Variants in SGCD observed in about 807,000 individuals in gnomAD.
SGCD encodes the protein sarcoglycan delta, also known as delta-sarcoglycan.
In SGCD, 18 loss-of-function variants were observed where a neutral mutation model predicts 36.6. That is an observed-to-expected ratio of 0.49 (90% CI 0.34 to 0.73). SGCD has a LOEUF of 0.73. SGCD is among the 30% of genes least tolerant of loss of function. The pLI is 0.01. For synonymous variants in SGCD, 133 were observed against 130.6 expected (o/e 1.02, Z -0.12); for missense variants, 387 against 346.7 (o/e 1.12, Z -0.92).
the SGCD span, among the ~76,000 whole-genome samples, chr5:155,792,373 T>C: frequency 8.6e-6 from 1 of 115,672 alleles, no homozygotes; most frequent in Non-Finnish European, 1.8e-5. Context: ...CCAAAAGCAA[T>C]GAAAACAAAA....
intron 3 of SGCD, among the ~76,000 whole-genome samples, chr5:156,125,900 T>G (rs1279773900): frequency 6.7e-6 from 1 of 148,366 alleles, no homozygotes. Context: ...ATTTTGGAGA[T>G]GGAGTCTCAC....
At chr5:156,477,204 C>A in intron 3 of SGCD, among the ~76,000 whole-genome samples, 1 of 152,084 alleles carries the variant, frequency 6.6e-6, no homozygotes, top group Non-Finnish European at 1.5e-5. Flanking sequence ...TAGAATGGTA[C>A]CAACAAAATA....
Position 156,546,933 on chromosome 5 carries a change from G to A in SGCD, c.294+38231G>A, listed in dbSNP as rs578118589. ...AGGAAAGGTAACTAGATATAGTAAG[G>A]CATTGTCAGGAAGTAATACACTGGA... On this transcript the variant is annotated intron_variant, in intron 4 of 8. Coordinates refer to ENST00000337851, the MANE Select transcript of SGCD (RefSeq NM_000337.6). 1.2e-4 allele frequency among the ~76,000 whole-genome samples: 19 copies of A among 152,274 alleles called. No homozygotes were observed. In the East Asian group the frequency reaches 3.7e-3, roughly 29 times the overall value.
intron 3 of SGCD, among the ~76,000 whole-genome samples, chr5:156,310,608 G>T (rs1767367826): frequency 6.6e-6 from 1 of 152,194 alleles, no homozygotes; most frequent in African/African-American, 2.4e-5. Context: ...ACATCAGGCA[G>T]ATTCTTTCAG....
At chr5:156,376,832 T>C (rs921650828) in intron 3 of SGCD, among the ~76,000 whole-genome samples, 1 of 152,156 alleles carries the variant, frequency 6.6e-6, no homozygotes, top group African/African-American at 2.4e-5. Context: ...ATTAAAATAA[T>C]TTAATACAAA....
At chr5:156,505,518 A>G (rs917556513) in intron 3 of SGCD, among the ~76,000 whole-genome samples, 5 of 152,316 alleles carry the variant, frequency 3.3e-5, no homozygotes. Context: ...CTGAAATAAC[A>G]TAGATAACAT....
At chr5:155,828,193 A>G in the SGCD span, among the ~76,000 whole-genome samples, 2 of 152,144 alleles carry the variant, frequency 1.3e-5, no homozygotes, top group Admixed American at 1.3e-4. Flanking sequence ...ATAGCTACCT[A>G]TCTACGGGGT....
chr5:156,169,453 G>A (rs972244463), intron 3 of SGCD, among the ~76,000 whole-genome samples: 1 of 152,078 alleles, frequency 6.6e-6, no homozygotes, highest in Non-Finnish European at 1.5e-5. Flanking sequence ...TTCCTCAATT[G>A]TTTACTAAAA....
At chr5:156,597,833 A>C (rs555333047) in intron 6 of SGCD, among the ~76,000 whole-genome samples, 22 of 152,342 alleles carry the variant, frequency 1.4e-4, no homozygotes, top group Non-Finnish European at 3.2e-4. Flanking sequence ...ACACCTCAGA[A>C]ACACCTTGTG....
chr5:156,260,361 G>C (rs1442281871), intron 3 of SGCD, among the ~76,000 whole-genome samples: 3 of 152,068 alleles, frequency 2.0e-5, no homozygotes, highest in Non-Finnish European at 2.9e-5. Flanking sequence ...TGACAATATT[G>C]AGTCTTTCAA....
chr5:156,749,207 C>T (rs572840785), intron 7 of SGCD, among the ~76,000 whole-genome samples: 7 of 152,148 alleles, frequency 4.6e-5, no homozygotes, highest in African/African-American at 1.4e-4. Flanking sequence ...AACTAAAGAA[C>T]GCCCTTCTAT....
chr5:156,125,071 G>T (rs1459295698), intron 3 of SGCD, among the ~76,000 whole-genome samples: 1 of 152,180 alleles, frequency 6.6e-6, no homozygotes. Context: ...CTGGGGAAAA[G>T]ATGATTTTAT....
At chr5:156,623,076 T>C (rs1762316837) in intron 6 of SGCD, among the ~76,000 whole-genome samples, 1 of 152,140 alleles carries the variant, frequency 6.6e-6, no homozygotes, top group Admixed American at 6.6e-5. Context: ...AGTATACATA[T>C]ATATTTGTTG....
intron 3 of SGCD, among the ~76,000 whole-genome samples, chr5:156,415,044 A>G (rs559000157): frequency 1.2e-4 from 19 of 152,300 alleles, no homozygotes; most frequent in African/African-American, 4.6e-4. Context: ...TAAACATTAA[A>G]TTTACACAAG....
intron 1 of SGCD, among the ~76,000 whole-genome samples, chr5:155,946,087 A>G (rs1225001774): frequency 6.6e-6 from 1 of 152,198 alleles, no homozygotes; most frequent in African/African-American, 2.4e-5. Context: ...TCTTACAAAT[A>G]TTCACATTCC....
At chr5:156,198,692 T>G (rs1449717875) in intron 3 of SGCD, among the ~76,000 whole-genome samples, 2 of 152,084 alleles carry the variant, frequency 1.3e-5, no homozygotes, top group Admixed American at 6.6e-5. Flanking sequence ...AATTTCTTAC[T>G]TGGATTGATA....
intron 4 of SGCD, among the ~76,000 whole-genome samples, chr5:156,554,660 T>C (rs1758944098): frequency 6.7e-6 from 1 of 148,900 alleles, no homozygotes; most frequent in South Asian, 2.1e-4. Context: ...ATATATATTA[T>C]ATATCTAAAT....
At chr5:155,901,443 C>A (rs1649808043) in intron 1 of SGCD, among the ~76,000 whole-genome samples, 1 of 151,996 alleles carries the variant, frequency 6.6e-6, no homozygotes, top group Admixed American at 6.6e-5. Flanking sequence ...ACTCTGAGGG[C>A]CCTAAGGAGA....
intron 3 of SGCD, among the ~76,000 whole-genome samples, chr5:156,319,631 A>T (rs1561617540): frequency 6.6e-6 from 1 of 152,220 alleles, no homozygotes; most frequent in Non-Finnish European, 1.5e-5. Context: ...TGAAGAGGTG[A>T]TACAGTGAAT....
Sources: allele counts gnomAD v4.1 joint callset (sites outside exome capture counted in the v4.1 genomes callset), GRCh38; gene constraint gnomAD v4.1.1; transcripts MANE v1.5; gene names NCBI Gene and HGNC (gene_info 2026-07-23, HGNC 2026-07-21).